The following BCL11B variants were observed in gnomAD, a reference collection of about 807,000 sequenced individuals.
The protein encoded by BCL11B is BCL11 transcription factor B, also known as B-cell lymphoma/leukemia 11B.
BCL11B carries 8 observed loss-of-function variants against 49.9 expected under a neutral mutation model. That is an observed-to-expected ratio of 0.16 (90% CI 0.09 to 0.29). The LOEUF (loss-of-function observed/expected upper bound fraction) is 0.29. Ranked by LOEUF, BCL11B falls within the 10% of genes least tolerant of loss-of-function variation. The pLI is 1.00. For missense variants in BCL11B, 1,006 were observed against 1,351.0 expected, an observed-to-expected ratio of 0.74 and a Z score of 4.00; for synonymous variants, 739 against 637.4, an observed-to-expected ratio of 1.16 and a Z score of -2.40.
chr14:99,231,563 GA>G lies in BCL11B; in HGVS notation c.428-7del, dbSNP rs745800498. ...CTGGGCAGGCCTGCACGGCCCTGGAGAAAAAACAATAGAAAAGACTGGTCAG... is the reference window on the plus strand; with the variant it reads ...CTGGGCAGGCCTGCACGGCCCTGGAGAAAAACAATAGAAAAGACTGGTCAG... On this transcript the variant is annotated splice_region_variant and splice_polypyrimidine_tract_variant and intron_variant, in intron 2 of 3. Transcript: ENST00000357195. The surrounding 1 kb of genome is among the most constrained non-coding windows in gnomAD (Gnocchi z 8.1). 1 of 1,556,858 alleles carries G rather than the reference GA, an allele frequency of 6.4e-7. No homozygotes were observed. The highest frequency in any genetic ancestry group is 8.7e-7 in the Non-Finnish European group (1 of 1,150,856).
At chr14:99,269,482 C>T (rs576439833) in intron 1 of BCL11B, among the ~76,000 whole-genome samples, 1 of 151,320 alleles carries the variant, frequency 6.6e-6, no homozygotes, top group Admixed American at 6.6e-5. Flanking sequence ...AGAGGCATCC[C>T]TCTCCCAAGG....
At chr14:99,196,811 G>A (rs1238691299) in intron 3 of BCL11B, among the ~76,000 whole-genome samples, 1 of 152,224 alleles carries the variant, frequency 6.6e-6, no homozygotes, top group Middle Eastern at 3.2e-3. Flanking sequence ...GCTTGCCAAG[G>A]CTGTGTGATA....
rs574941272 is a variant in BCL11B, at chr14:99,192,513, C to G, written c.641-16318G>C. The stretch of plus-strand genomic sequence containing the variant: ...CTGGAGACCACAGCGCGCTACCTTT[C>G]ACCTCGTCCTCGCCACACACACCCA... On this transcript the variant is annotated intron_variant, in intron 3 of 3. Coordinates refer to ENST00000357195, the MANE Select transcript of BCL11B (RefSeq NM_138576.4). This position sits in a 1 kb window ranked among gnomAD's most constrained non-coding sequence, Gnocchi z 4.0. Among the ~76,000 whole-genome samples, 2 of 152,308 alleles carry G rather than the reference C, an allele frequency of 1.3e-5. No individual in the cohort carries two copies. The highest frequency in any genetic ancestry group is 4.8e-5 in the African/African-American group (2 of 41,560).
intron 1 of BCL11B, among the ~76,000 whole-genome samples, chr14:99,259,305 C>G (rs538928640): frequency 1.3e-5 from 2 of 152,228 alleles, no homozygotes; most frequent in Admixed American, 1.3e-4. Flanking sequence ...AGTGCCAGAG[C>G]CAAAGAACAG....
intron 1 of BCL11B, among the ~76,000 whole-genome samples, chr14:99,265,640 G>A (rs1034919459): frequency 7.2e-5 from 11 of 152,192 alleles, no homozygotes; most frequent in African/African-American, 2.4e-4. Flanking sequence ...CGAGGTCACC[G>A]TGCCTCTTCA....
chr14:99,256,557 C>A (rs922485066), intron 2 of BCL11B, among the ~76,000 whole-genome samples: 9 of 152,324 alleles, frequency 5.9e-5, no homozygotes, highest in African/African-American at 2.2e-4. Context: ...CTTTCTCCCC[C>A]AGGCCTCCTG....
chr14:99,271,272 C>CG lies in BCL11B; in HGVS notation c.-55dup, dbSNP rs1555385398. 7.9e-7 allele frequency: 1 copy of CG among 1,264,718 alleles called. No individual in the cohort carries two copies. Among genetic ancestry groups the CG allele is most frequent in the South Asian group, 3.1e-5 (1 of 32,186 alleles). 78.3% of individuals were successfully genotyped at this position (1,264,718 alleles called of 1,614,324 possible). On this transcript the variant is annotated 5_prime_UTR_variant, in exon 1 of 4. Transcript: ENST00000357195. ...GGAGAGCTGCACTGATGGGGGGAGCCGGGGGAGGGGGTCCGAGCCGCCGCC... is the reference window on the plus strand; with the variant it reads ...GGAGAGCTGCACTGATGGGGGGAGCCGGGGGGAGGGGGTCCGAGCCGCCGCC...
rs1023801475 is a variant in BCL11B, at chr14:99,242,079, G to T, written c.428-10522C>A. Among the ~76,000 whole-genome samples the T allele has an allele frequency of 3.3e-5, 5 of 152,214 alleles. No individual in the cohort carries two copies. Among genetic ancestry groups the T allele is most frequent in the African/African-American group, 1.2e-4 (5 of 41,456 alleles). ...GAGTGGGGAGGACATCAGGGAGAGGGAGCAGGGGCAGGCGGCGCTGAAGGA... is the reference window on the plus strand; with the variant it reads ...GAGTGGGGAGGACATCAGGGAGAGGTAGCAGGGGCAGGCGGCGCTGAAGGA... On this transcript the variant is annotated intron_variant, in intron 2 of 3. Transcript: ENST00000357195. The surrounding 1 kb of genome is among the most constrained non-coding windows in gnomAD (Gnocchi z 4.4).
Position 99,174,975 on chromosome 14 carries a change from C to T in BCL11B, c.1861G>A (p.Gly621Ser), listed in dbSNP as rs1409709245. 1 of 1,562,640 alleles carries T rather than the reference C, an allele frequency of 6.4e-7. No homozygotes were observed. The highest frequency in any genetic ancestry group is 8.6e-7 in the Non-Finnish European group (1 of 1,162,226). The change falls in exon 4 of 4, where the codon GGC becomes AGC. Residue 621 changes from glycine to serine, a missense_variant. Around this residue, in one of 6 missense-constraint regions of BCL11B, gnomAD observed 443 missense variants for 499.7 expected, o/e 0.89. Coordinates refer to ENST00000357195, the MANE Select transcript of BCL11B (RefSeq NM_138576.4). ...GELLADKQKR[G>S]AFLKRAAGGG... The stretch of plus-strand genomic sequence containing the variant: ...CCCGCCGCACGCTTCAGGAAGGCGC[C>T]GCGCTTCTGCTTGTCGGCCAGGAGC...
intron 3 of BCL11B, among the ~76,000 whole-genome samples, chr14:99,178,468 T>G (rs1886603902): frequency 6.6e-6 from 1 of 152,158 alleles, no homozygotes; most frequent in Non-Finnish European, 1.5e-5. Context: ...TGGCCGCGAT[T>G]CTCCCTGTAA....
intron 3 of BCL11B, among the ~76,000 whole-genome samples, chr14:99,225,781 G>A (rs1252417600): frequency 6.6e-6 from 1 of 152,210 alleles, no homozygotes; most frequent in African/African-American, 2.4e-5. Flanking sequence ...ACGTCTGAAG[G>A]GCCAACTCAG....
At chr14:99,200,761 C>A (rs571036265) in intron 3 of BCL11B, among the ~76,000 whole-genome samples, 1 of 152,184 alleles carries the variant, frequency 6.6e-6, no homozygotes, top group Admixed American at 6.5e-5. Context: ...GAATGAGAGC[C>A]GGCAAGTCCT....
intron 3 of BCL11B, among the ~76,000 whole-genome samples, chr14:99,222,496 C>T (rs1259632473): frequency 2.0e-5 from 3 of 152,166 alleles, no homozygotes; most frequent in Non-Finnish European, 2.9e-5. Flanking sequence ...TTAAGGCTGG[C>T]GTGGGACCAC....
In BCL11B at chr14:99,271,305, TGCCGCCGCTGCC is replaced by T. The variant is rs946699702; in HGVS notation, c.-99_-88del. ...GGGGTCCGAGCCGCCGCCGCGCCGCTGCCGCCGCTGCCGCCGCCGCCGCCGCCGCCGCACCTC... is the reference window on the plus strand; with the variant it reads ...GGGGTCCGAGCCGCCGCCGCGCCGCTGCCGCCGCCGCCGCCGCCGCACCTC... On this transcript the variant is annotated 5_prime_UTR_variant, in exon 1 of 4. Transcript: ENST00000357195. 2.1e-5 allele frequency: 18 copies of T among 850,838 alleles called. 2 individuals carry two copies. In the South Asian group the frequency reaches 4.6e-4, roughly 22 times the overall value. 52.7% of individuals were successfully genotyped at this position (850,838 alleles called of 1,614,324 possible).
Position 99,175,448 on chromosome 14 carries a change from G to A in BCL11B, c.1388C>T (p.Ala463Val), listed in dbSNP as rs1204240249. The change falls in exon 4 of 4, where the codon GCG becomes GTG. Residue 463 changes from alanine (A) to valine (V), a missense_variant. Physicochemically the swap from Ala to Val is moderately conservative, Grantham distance 64 (BLOSUM62 0). Transcript: ENST00000357195. ...KPYKCQLCDHACSQASKLKRH... is the reference protein window; with the variant it reads ...KPYKCQLCDHVCSQASKLKRH... Reference sequence around the variant, plus strand: ...CTTGAGCTTGCTGGCCTGCGAGCACGCGTGGTCGCACAGCTGGCACTTGTA... The same window carrying A: ...CTTGAGCTTGCTGGCCTGCGAGCACACGTGGTCGCACAGCTGGCACTTGTA... 1 of 1,611,186 alleles carries A rather than the reference G, an allele frequency of 6.2e-7. No individual in the cohort carries two copies. Among genetic ancestry groups the A allele is most frequent in the African/African-American group, 1.3e-5 (1 of 74,622 alleles).
chr14:99,266,419 G>A (rs953567671), intron 1 of BCL11B, among the ~76,000 whole-genome samples: 7 of 151,980 alleles, frequency 4.6e-5, no homozygotes, highest in Admixed American at 1.3e-4. Context: ...TCAAGACCAC[G>A]GACGAATCAG....
In BCL11B at chr14:99,257,517, C is replaced by G; in HGVS notation, c.381G>C (p.Leu127=). The G allele has an allele frequency of 6.2e-7, 1 of 1,612,822 alleles. No individual in the cohort carries two copies. The highest frequency in any genetic ancestry group is 8.5e-7 in the Non-Finnish European group (1 of 1,179,144). The stretch of plus-strand genomic sequence containing the variant: ...GACAGATGCCTTTCGTGGGTGAGAG[C>G]AGGTGGTCATCTTCGTCGGGGGTGA... The part of the protein sequence containing the change: ...IQVTPDEDDH[L]LSPTKGICPK... Residue 127 remains leucine, a synonymous_variant, in exon 2 of 4, where the codon CTG becomes CTC. Coordinates refer to ENST00000357195, the MANE Select transcript of BCL11B (RefSeq NM_138576.4). This position sits in a 1 kb window ranked among gnomAD's most constrained non-coding sequence, Gnocchi z 6.2.
intron 3 of BCL11B, among the ~76,000 whole-genome samples, chr14:99,201,072 G>A (rs1475518875): frequency 6.6e-6 from 1 of 152,152 alleles, no homozygotes; most frequent in Non-Finnish European, 1.5e-5. Context: ...CCCCCACCAG[G>A]CCTCCAGCAT....
In BCL11B at chr14:99,174,600, C is replaced by T. The variant is rs867293109; in HGVS notation, c.2236G>A (p.Glu746Lys). 6.5e-7 allele frequency: 1 copy of T among 1,534,332 alleles called. No homozygotes were observed. Among genetic ancestry groups the T allele is most frequent in the Non-Finnish European group, 8.7e-7 (1 of 1,143,880 alleles). ...PFATSSEHSSENGSLRFSTPP... is the reference protein window; with the variant it reads ...PFATSSEHSSKNGSLRFSTPP... ...GTGGAGAAGCGCAGGCTGCCGTTCT[C>T]GGACGAGTGCTCGGACGACGTGGCG... is the stretch of plus-strand genomic sequence containing the variant. Residue 746 changes from glutamate (E) to lysine (K), a missense_variant, in exon 4 of 4, where the codon GAG (glutamate) becomes AAG (lysine). Physicochemically the swap from Glu to Lys is moderately conservative, Grantham distance 56. Around this residue, in one of 6 missense-constraint regions of BCL11B, gnomAD observed 443 missense variants for 499.7 expected, o/e 0.89. Transcript: ENST00000357195.
Sources: allele counts gnomAD v4.1 joint callset (sites outside exome capture counted in the v4.1 genomes callset), GRCh38; gene constraint gnomAD v4.1.1; regional missense constraint gnomAD v4.1.1; non-coding constraint Gnocchi (gnomAD v3.1); transcripts MANE v1.5; gene names NCBI Gene and HGNC (gene_info 2026-07-23, HGNC 2026-07-21).